LAYN: variants seen among roughly 807,000 people sequenced by gnomAD.
The protein encoded by LAYN is layilin.
In LAYN, 38 loss-of-function variants were observed where a neutral mutation model predicts 43.6. The ratio of observed to expected loss-of-function variants is 0.87; its 90% CI spans 0.67 to 1.14. The LOEUF (loss-of-function observed/expected upper bound fraction) is 1.14. Ranked by LOEUF, LAYN falls within the 50% of genes most tolerant of loss-of-function variation. LAYN has a pLI of 0.00. For missense variants in LAYN, 479 were observed against 463.8 expected, an observed-to-expected ratio of 1.03 and a Z score of -0.30; for synonymous variants, 168 against 172.9, an observed-to-expected ratio of 0.97 and a Z score of 0.22.
At chr11:111,544,474 T>C (rs1221416906) in intron 2 of LAYN, among the ~76,000 whole-genome samples, 1 of 152,226 alleles carries the variant, frequency 6.6e-6, no homozygotes, top group Non-Finnish European at 1.5e-5. Flanking sequence ...CAGCATATAA[T>C]GCTTGAAGCC....
intron 5 of LAYN, among the ~76,000 whole-genome samples, chr11:111,556,373 A>C (rs1867842767): frequency 6.6e-6 from 1 of 152,178 alleles, no homozygotes. Flanking sequence ...ATCAATGCAT[A>C]GCAGTCTCCA....
chr11:111,549,756 C>T lies in LAYN; in HGVS notation c.522C>T (p.Phe174=). ...ACCGGTGCAACATGAAGAACAATTT[C>T]ATTTGCAAATATTCTGATGGTAATG... ...NDDRCNMKNN[F]ICKYSDEKPA... is the part of the protein sequence containing the mutation. Residue 174 remains phenylalanine (F), a synonymous_variant, in exon 3 of 7, where the codon TTC becomes TTT. Transcript: ENST00000375614. The T allele has an allele frequency of 6.2e-7, 1 of 1,603,728 alleles. No homozygotes were observed. Among genetic ancestry groups the T allele is most frequent in the Non-Finnish European group, 8.5e-7 (1 of 1,176,274 alleles).
chr11:111,540,471 G>A (rs768145157), upstream of LAYN: 1 of 318,538 alleles, frequency 3.1e-6, no homozygotes, highest in Non-Finnish European at 5.8e-6. Context: ...TTGCCTAGGG[G>A]CCCGACTGAA....
chr11:111,545,330 C>A (rs80323785), intron 2 of LAYN, among the ~76,000 whole-genome samples: 367 of 152,274 alleles, frequency 2.4e-3, no homozygotes, highest in African/African-American at 8.1e-3. Context: ...ATTCCCTTAC[C>A]GTCTGCTGGT....
At position 111,560,260 on chromosome 11, in the gene LAYN, G is replaced by A. The variant is rs1004521571; in HGVS notation, c.927G>A (p.Val309=). 6.2e-7 allele frequency: 1 copy of A among 1,614,184 alleles called. No individual in the cohort carries two copies. The highest frequency in any genetic ancestry group is 8.5e-7 in the Non-Finnish European group (1 of 1,180,024). The change falls in exon 7 of 7, where the codon GTG becomes GTA. Residue 309 remains valine, a synonymous_variant. Coordinates refer to ENST00000375614, the MANE Select transcript of LAYN (RefSeq NM_178834.5). ...ACCTGAAGAATATTTCATTCCGAGT[G>A]TGTTCGGGAGAAGCCACTCCCGATG... ...RPDLKNISFR[V]CSGEATPDDM...
intron 3 of LAYN, among the ~76,000 whole-genome samples, chr11:111,553,265 AAAC>A (rs1330905272): frequency 1.3e-5 from 2 of 151,966 alleles, no homozygotes; most frequent in Non-Finnish European, 1.5e-5. Flanking sequence ...ATAAATAAAT[AAAC>A]AACAATAATA....
intron 6 of LAYN, among the ~76,000 whole-genome samples, chr11:111,559,597 T>C (rs1867914637): frequency 6.6e-6 from 1 of 152,110 alleles, no homozygotes; most frequent in Non-Finnish European, 1.5e-5. Flanking sequence ...TAGCTGGGAC[T>C]GCAGGTGTGC....
intron 2 of LAYN, among the ~76,000 whole-genome samples, chr11:111,545,346 C>T (rs557620533): frequency 5.3e-5 from 8 of 152,284 alleles, no homozygotes; most frequent in East Asian, 3.9e-4. Context: ...CTGGTCTCAA[C>T]GGTTGACCTT....
chr11:111,554,624 T>TG (rs34443297), intron 4 of LAYN, 31 bp downstream of exon 4: 6 of 1,597,600 alleles, frequency 3.8e-6, no homozygotes, highest in Middle Eastern at 3.3e-4. Context: ...TTGGGTTAAC[T>TG]GGGGCTGTTT....
rs564600217 is a variant in LAYN, at chr11:111,553,682, G to A, written c.542-879G>A. Reference sequence around the variant, plus strand: ...TCATATAGTAGACATTGTATAACTGGGTTTTTTTAAATAAATGGATTTACA... The same window carrying A: ...TCATATAGTAGACATTGTATAACTGAGTTTTTTTAAATAAATGGATTTACA... On this transcript the variant is annotated intron_variant, in intron 3 of 6. Coordinates refer to ENST00000375614, the MANE Select transcript of LAYN (RefSeq NM_178834.5). Among the ~76,000 whole-genome samples the A allele has an allele frequency of 2.8e-5, 4 of 141,032 alleles. No homozygotes were observed. In the South Asian group the frequency reaches 7.1e-4, roughly 25 times the overall value. 92.5% of individuals were successfully genotyped at this position (141,032 alleles called of 152,430 possible).
chr11:111,549,643 T>G lies in LAYN; in HGVS notation c.409T>G (p.Cys137Gly), dbSNP rs1867705542. 1.3e-6 allele frequency: 2 copies of G among 1,580,706 alleles called. No individual in the cohort carries two copies. Among genetic ancestry groups the G allele is most frequent in the African/African-American group, 2.7e-5 (2 of 72,904 alleles). Residue 137 changes from cysteine (C) to glycine (G), a missense_variant, in exon 3 of 7, where the codon TGC becomes GGC. Physicochemically the swap from Cys to Gly is radical, Grantham distance 159. Transcript: ENST00000375614. The stretch of plus-strand genomic sequence containing the variant: ...GAACTGGTATGTGGATGAGCCATCC[T>G]GCGGCAGCGAGGTCTGCGTGGTCAT... Reference protein sequence around the residue: ...FRNWYVDEPSCGSEVCVVMYH... With the variant: ...FRNWYVDEPSGGSEVCVVMYH...
At chr11:111,548,455 C>T (rs779560237) in intron 2 of LAYN, among the ~76,000 whole-genome samples, 3 of 152,150 alleles carry the variant, frequency 2.0e-5, no homozygotes, top group Non-Finnish European at 4.4e-5. Flanking sequence ...GGGAACAAGG[C>T]AAGTCAGGGT....
chr11:111,546,418 T>C lies in LAYN; in HGVS notation c.383+2198T>C, dbSNP rs775958305. On this transcript the variant is annotated intron_variant, in intron 2 of 6. Transcript: ENST00000375614. ...GATGTACCAACTAAAGCTCTGGCCATTGGGAAGATGTTCCCTTACTGGTCT... is the reference window on the plus strand; with the variant it reads ...GATGTACCAACTAAAGCTCTGGCCACTGGGAAGATGTTCCCTTACTGGTCT... Among the ~76,000 whole-genome samples the C allele has an allele frequency of 9.8e-5, 15 of 152,324 alleles. No homozygotes were observed. The South Asian group carries it at 1.2e-3, about 13-fold the overall frequency.
intron 2 of LAYN, 152 bp downstream of exon 2, chr11:111,544,372 C>T: frequency 1.3e-6 from 1 of 785,234 alleles, no homozygotes. Context: ...CTGACCTAAG[C>T]AGTGCAGGTG....
intron 3 of LAYN, among the ~76,000 whole-genome samples, chr11:111,550,928 G>GA (rs1259799692): frequency 3.3e-5 from 5 of 152,082 alleles, no homozygotes; most frequent in African/African-American, 9.7e-5. Context: ...CACCTTCTTA[G>GA]AAAAAATCAT....
intron 6 of LAYN, among the ~76,000 whole-genome samples, chr11:111,558,913 A>G (rs1867893957): frequency 6.6e-6 from 1 of 151,616 alleles, no homozygotes; most frequent in Admixed American, 6.6e-5. Context: ...TCAGCCTCCC[A>G]AGTAGCCGGG....
In LAYN at chr11:111,560,325, C is replaced by T. The variant is rs114394665; in HGVS notation, c.992C>T (p.Ser331Leu). The change falls in exon 7 of 7, where the codon TCA becomes TTA. Residue 331 changes from serine to leucine, a missense_variant. Coordinates refer to ENST00000375614, the MANE Select transcript of LAYN (RefSeq NM_178834.5). ...TATGACAACATGGCTGTGAACCCAT[C>T]AGAAAGTGGGTTTGTGACTCTGGTG... ...CDYDNMAVNP[S>L]ESGFVTLVSV... is the part of the protein sequence containing the mutation. The T allele has an allele frequency of 1.2e-3, 2,008 of 1,614,150 alleles. 17 individuals are homozygous for T. The African/African-American group carries it at 0.022, about 18-fold the overall frequency.
At position 111,540,874 on chromosome 11, in the gene LAYN, C is replaced by A; in HGVS notation, c.31C>A (p.Leu11Met). ...GCCGGGAACCGCGCTACAGGCCGTG[C>A]TGCTGGCCGTGCTGCTGGTGGGGCT... is the stretch of plus-strand genomic sequence containing the variant. MRPGTALQAV[L>M]LAVLLVGLRA... is the part of the protein sequence containing the mutation. The change falls in exon 1 of 7, where the codon CTG (leucine) becomes ATG (methionine). Residue 11 changes from leucine to methionine, a missense_variant. By Grantham distance (15) the Leu-to-Met change is conservative. Coordinates refer to ENST00000375614, the MANE Select transcript of LAYN (RefSeq NM_178834.5). 6.5e-7 allele frequency: 1 copy of A among 1,532,236 alleles called. No individual in the cohort carries two copies. The highest frequency in any genetic ancestry group is 1.2e-5 in the South Asian group (1 of 83,802). The allele number at this position is 1,532,236 out of a possible 1,614,324, so 94.9% of individuals were successfully genotyped here. A position where few individuals can be genotyped will look rare whatever the true frequency, so the allele number is the denominator to read the frequency against.
At chr11:111,552,132 T>C (rs890395337) in intron 3 of LAYN, among the ~76,000 whole-genome samples, 2 of 152,030 alleles carry the variant, frequency 1.3e-5, no homozygotes, top group Non-Finnish European at 2.9e-5. Flanking sequence ...TGTGATGAAA[T>C]GATAAGGTGA....
Sources: allele counts gnomAD v4.1 joint callset (sites outside exome capture counted in the v4.1 genomes callset), GRCh38; gene constraint gnomAD v4.1.1; transcripts MANE v1.5; gene names NCBI Gene and HGNC (gene_info 2026-07-23, HGNC 2026-07-21).